The following MARCHF1 variants were observed in gnomAD, a reference collection of about 807,000 sequenced individuals.
The protein encoded by MARCHF1 is membrane associated ring-CH-type finger 1.
A neutral mutation model predicts 54.2 loss-of-function variants in MARCHF1; 40 were observed. The ratio of observed to expected loss-of-function variants is 0.74; its 90% CI spans 0.57 to 0.96. The LOEUF (loss-of-function observed/expected upper bound fraction) is 0.96. Ranked by LOEUF, MARCHF1 falls within the 40% of genes least tolerant of loss-of-function variation. The pLI is 0.00. For missense variants in MARCHF1, 586 were observed against 656.5 expected (o/e 0.89, Z 1.17); for synonymous variants, 236 against 236.3 (o/e 1.00, Z 0.01).
chr4:164,212,136 AAG>A (rs907425790), intron 1 of MARCHF1, among the ~76,000 whole-genome samples: 1 of 152,106 alleles, frequency 6.6e-6, no homozygotes, highest in African/African-American at 2.4e-5. Context: ...GAGGAGGAGA[AAG>A]AGAAAGAATA....
chr4:164,282,138 C>T (rs1579686849), intron 1 of MARCHF1, among the ~76,000 whole-genome samples: 1 of 150,776 alleles, frequency 6.6e-6, no homozygotes, highest in East Asian at 2.0e-4. Context: ...TTTGTTTCTT[C>T]TCCCTCACAT....
intron 3 of MARCHF1, among the ~76,000 whole-genome samples, chr4:163,960,138 T>C (rs1296469538): frequency 6.6e-6 from 1 of 151,910 alleles, no homozygotes; most frequent in Non-Finnish European, 1.5e-5. Flanking sequence ...ATGTCTATTA[T>C]GAAAAAGTCA....
chr4:163,803,992 C>T (rs1748156422), intron 4 of MARCHF1, among the ~76,000 whole-genome samples: 1 of 152,116 alleles, frequency 6.6e-6, no homozygotes, highest in Non-Finnish European at 1.5e-5. Flanking sequence ...TTATTTTTCG[C>T]AGTATACCCT....
chr4:164,067,078 C>G (rs1594440), intron 2 of MARCHF1, among the ~76,000 whole-genome samples: 9,445 of 152,016 alleles, frequency 0.062, 712 homozygotes, highest in African/African-American at 0.19. Context: ...ACTGCTTTTG[C>G]TGCATCCCCT....
chr4:163,873,513 G>T (rs1750224343), intron 3 of MARCHF1, among the ~76,000 whole-genome samples: 1 of 152,142 alleles, frequency 6.6e-6, no homozygotes. Flanking sequence ...GCATCCACAA[G>T]GTTCCTGATG....
intron 1 of MARCHF1, among the ~76,000 whole-genome samples, chr4:164,281,391 C>G (rs1366499387): frequency 6.6e-6 from 1 of 152,088 alleles, no homozygotes; most frequent in Non-Finnish European, 1.5e-5. Context: ...AGGAATAAAA[C>G]ACACTGCCTG....
Position 163,528,746 on chromosome 4 carries a change from C to CATCA in MARCHF1, c.1636_*1dup. The CATCA allele has an allele frequency of 6.2e-7, 1 of 1,605,398 alleles. No homozygotes were observed. The highest frequency in any genetic ancestry group is 1.7e-5 in the Admixed American group (1 of 59,578). On this transcript the variant is annotated 3_prime_UTR_variant, in exon 10 of 10. Coordinates refer to ENST00000514618, the MANE Select transcript of MARCHF1 (RefSeq NM_001394959.1). ...CGGTGAAGAAACTCCCAACAGGTTC[C>CATCA]ATCAGACTGATACAACTTCAGGGGG...
chr4:163,956,058 CA>C (rs1188053642), intron 3 of MARCHF1, among the ~76,000 whole-genome samples: 3 of 151,912 alleles, frequency 2.0e-5, no homozygotes, highest in African/African-American at 7.3e-5. Flanking sequence ...AGCATTGTAC[CA>C]ATGTTAATTT....
intron 3 of MARCHF1, among the ~76,000 whole-genome samples, chr4:163,891,700 G>A (rs577449071): frequency 1.3e-5 from 2 of 152,218 alleles, no homozygotes; most frequent in Non-Finnish European, 2.9e-5. Context: ...GTAGCGGAGC[G>A]TTGATTCCTT....
chr4:164,266,919 G>A (rs1733625102), intron 1 of MARCHF1, among the ~76,000 whole-genome samples: 1 of 152,154 alleles, frequency 6.6e-6, no homozygotes, highest in South Asian at 2.1e-4. Context: ...ATCAATTTAA[G>A]CAATACTCAT....
intron 4 of MARCHF1, among the ~76,000 whole-genome samples, chr4:163,768,459 T>C (rs929203370): frequency 2.0e-5 from 3 of 152,222 alleles, no homozygotes; most frequent in Admixed American, 6.5e-5. Context: ...TAGAAAGACA[T>C]GTAGTTTTAC....
At chr4:164,214,789 A>G (rs1731880116) in intron 1 of MARCHF1, among the ~76,000 whole-genome samples, 1 of 152,220 alleles carries the variant, frequency 6.6e-6, no homozygotes, top group African/African-American at 2.4e-5. Context: ...ATGGTTTACC[A>G]CAATCCCCAC....
chr4:164,372,236 G>A (rs1447248904), intron 1 of MARCHF1, among the ~76,000 whole-genome samples: 1 of 152,136 alleles, frequency 6.6e-6, no homozygotes, highest in African/African-American at 2.4e-5. Context: ...AAATGACACT[G>A]CCATAAATAC....
At chr4:163,897,022 G>A (rs1241939068) in intron 3 of MARCHF1, among the ~76,000 whole-genome samples, 2 of 152,040 alleles carry the variant, frequency 1.3e-5, no homozygotes, top group Non-Finnish European at 2.9e-5. Context: ...TACTACTCGT[G>A]AATAATTATT....
chr4:164,220,856 T>A (rs1732091365), intron 1 of MARCHF1, among the ~76,000 whole-genome samples: 1 of 151,026 alleles, frequency 6.6e-6, no homozygotes, highest in South Asian at 2.1e-4. Flanking sequence ...TCAGTTATCA[T>A]AAATAAAATA....
At chr4:163,767,242 T>G (rs543430301) in intron 4 of MARCHF1, among the ~76,000 whole-genome samples, 46 of 152,212 alleles carry the variant, frequency 3.0e-4, no homozygotes, top group Non-Finnish European at 6.2e-4. Flanking sequence ...ACTTCTTTTC[T>G]TTTTTTATAA....
chr4:163,877,733 G>A (rs960350931), intron 3 of MARCHF1, among the ~76,000 whole-genome samples: 9 of 152,038 alleles, frequency 5.9e-5, no homozygotes, highest in Admixed American at 3.9e-4. Context: ...ACTTGGGCAC[G>A]TCTCACCTTC....
intron 1 of MARCHF1, among the ~76,000 whole-genome samples, chr4:164,159,230 C>T (rs555348117): frequency 6.6e-6 from 1 of 152,272 alleles, no homozygotes; most frequent in African/African-American, 2.4e-5. Flanking sequence ...TAACTTGAAA[C>T]TGTTGGGCAT....
chr4:163,854,383 G>A (rs190623864), intron 3 of MARCHF1, among the ~76,000 whole-genome samples: 1 of 152,186 alleles, frequency 6.6e-6, no homozygotes, highest in Admixed American at 6.5e-5. Context: ...TCTTTTCAAA[G>A]GGCCTAACAT....
Sources: gnomAD v4.1 joint callset for allele counts (sites outside exome capture counted in the v4.1 genomes callset) on GRCh38, gnomAD v4.1.1 for gene constraint, MANE v1.5 for transcripts, NCBI Gene and HGNC (gene_info 2026-07-23, HGNC 2026-07-21) for gene names.